ADD2: variants seen among roughly 807,000 people sequenced by gnomAD.
The protein encoded by ADD2 is beta-adducin.
A neutral mutation model predicts 83.0 loss-of-function variants in ADD2; 23 were observed. The observed-to-expected ratio is 0.28, with a 90% CI of 0.20 to 0.39. ADD2 has a LOEUF of 0.39. Among genes scored for constraint, ADD2 ranks in the 10% least tolerant of loss-of-function variants. The pLI is 1.00. For synonymous variants in ADD2, 375 were observed against 375.4 expected (o/e 1.00, Z 0.01); for missense variants, 758 against 944.9 (o/e 0.80, Z 2.59).
chr2:70,736,958 A>G (rs1284401971), intron 1 of ADD2, among the ~76,000 whole-genome samples: 4 of 152,206 alleles, frequency 2.6e-5, no homozygotes, highest in Non-Finnish European at 5.9e-5. Context: ...TATGCAGCCA[A>G]CAGACACATG....
intron 3 of ADD2, 92 bp from the exon 4 acceptor site, chr2:70,704,551 G>C: frequency 6.7e-7 from 1 of 1,503,598 alleles, no homozygotes; most frequent in Middle Eastern, 1.7e-4. Context: ...CTTGCCCCTG[G>C]GTCAGCTAGG....
rs901429125 is a variant in ADD2, at chr2:70,659,080, G to T, written c.*4345C>A. The T allele has an allele frequency of 3.5e-5, 5 of 144,044 alleles. No individual in the cohort carries two copies. Among genetic ancestry groups the T allele is most frequent in the Non-Finnish European group, 6.0e-5 (4 of 66,904 alleles). The allele number at this position is 144,044 out of a possible 1,614,324, so 8.9% of individuals were successfully genotyped here. On this transcript the variant is annotated 3_prime_UTR_variant, in exon 16 of 16. Transcript: ENST00000264436. Reference sequence around the variant, plus strand: ...ATCGCTTGAAAAACCGGGAGGCAGAGGTTGCAGTGAGCTAAGATTGCACCA... The same window carrying T: ...ATCGCTTGAAAAACCGGGAGGCAGATGTTGCAGTGAGCTAAGATTGCACCA...
rs116011167 is a variant in ADD2 at position 70,706,785 on chromosome 2, C to T, written c.-34-343G>A. Among the ~76,000 whole-genome samples the T allele has an allele frequency of 3.7e-3, 568 of 152,280 alleles. 5 individuals carry two copies. The highest frequency in any genetic ancestry group is 0.013 in the African/African-American group (532 of 41,548). On this transcript the variant is annotated intron_variant, in intron 2 of 15. Transcript: ENST00000264436. This position sits in a 1 kb window ranked among gnomAD's most constrained non-coding sequence, Gnocchi z 5.0. ...CCTTGTTGAGCATTTCTGTGATGCACACCTATGCAGTGGTAAGCTACTTAC... is the reference window on the plus strand; with the variant it reads ...CCTTGTTGAGCATTTCTGTGATGCATACCTATGCAGTGGTAAGCTACTTAC...
At chr2:70,750,664 C>T (rs1421594016) in intron 1 of ADD2, among the ~76,000 whole-genome samples, 2 of 152,160 alleles carry the variant, frequency 1.3e-5, no homozygotes, top group Non-Finnish European at 2.9e-5. Context: ...TCAGAGGGAG[C>T]ACGGCCTTGT....
chr2:70,706,894 G>T lies in ADD2; in HGVS notation c.-34-452C>A, dbSNP rs536984204. 6.6e-6 allele frequency among the ~76,000 whole-genome samples: 1 copy of T among 152,100 alleles called. No individual in the cohort carries two copies. Among genetic ancestry groups the T allele is most frequent in the Non-Finnish European group, 1.5e-5 (1 of 68,024 alleles). On this transcript the variant is annotated intron_variant, in intron 2 of 15. Coordinates refer to ENST00000264436, the MANE Select transcript of ADD2 (RefSeq NM_001617.4). This position sits in a 1 kb window ranked among gnomAD's most constrained non-coding sequence, Gnocchi z 5.0. Reference sequence around the variant, plus strand: ...GGTGGAAATAGCTAATGCATGCTGGGCTTAACACCTAGGTAATGGGTTGAT... The same window carrying T: ...GGTGGAAATAGCTAATGCATGCTGGTCTTAACACCTAGGTAATGGGTTGAT...
rs142392995 is a variant in ADD2, at chr2:70,683,705, G to T, written c.1011C>A (p.His337Gln). The T allele has an allele frequency of 3.1e-6, 5 of 1,614,066 alleles. No homozygotes were observed. The African/African-American group carries it at 6.7e-5, about 22-fold the overall frequency. ...GCACGGAGCCCACCTCATGGGGCCG[G>T]TGCTTCTCCTGCTCCAGGAGGATGA... is the stretch of plus-strand genomic sequence containing the variant. ...ENLILLEQEK[H>Q]RPHEVGSVQW... The change falls in exon 10 of 16, where the codon CAC becomes CAA. Residue 337 changes from histidine to glutamine, a missense_variant. Coordinates refer to ENST00000264436, the MANE Select transcript of ADD2 (RefSeq NM_001617.4).
chr2:70,754,277 T>C (rs1457014361), intron 1 of ADD2, among the ~76,000 whole-genome samples: 1 of 152,096 alleles, frequency 6.6e-6, no homozygotes, highest in Non-Finnish European at 1.5e-5. Context: ...AATTGAACAA[T>C]CACATAATTC....
At chr2:70,758,119 C>T (rs1030785377) in intron 1 of ADD2, among the ~76,000 whole-genome samples, 4 of 152,182 alleles carry the variant, frequency 2.6e-5, no homozygotes, top group South Asian at 2.1e-4. Context: ...TTTATAACAT[C>T]GGTTCTTCCC....
Position 70,677,892 on chromosome 2 carries a change from G to A in ADD2, c.1384-15C>T. 6.2e-7 allele frequency: 1 copy of A among 1,614,114 alleles called. No individual in the cohort carries two copies. Among genetic ancestry groups the A allele is most frequent in the Non-Finnish European group, 8.5e-7 (1 of 1,179,992 alleles). On this transcript the variant is annotated splice_polypyrimidine_tract_variant and intron_variant, in intron 11 of 15. Transcript: ENST00000264436. The stretch of plus-strand genomic sequence containing the variant: ...GCCTTCATCCACTGCACAAACACAA[G>A]GTCATGGGGCTGAGGTGAGGGAACA...
chr2:70,696,513 G>T, intron 4 of ADD2, 117 bp from the exon 5 acceptor site: 1 of 1,380,372 alleles, frequency 7.2e-7, no homozygotes, highest in East Asian at 2.5e-5. Flanking sequence ...TCCCCAGGCA[G>T]GGAATTAAAC....
intron 1 of ADD2, among the ~76,000 whole-genome samples, chr2:70,714,817 CCCTGTGG>C (rs1558553777): frequency 1.3e-5 from 2 of 152,344 alleles, no homozygotes; most frequent in African/African-American, 4.8e-5. Flanking sequence ...TCTGAGGCTG[CCCTGTGG>C]CCACAACCTG....
chr2:70,705,402 C>T (rs1426311318), intron 3 of ADD2, among the ~76,000 whole-genome samples: 4 of 128,238 alleles, frequency 3.1e-5, no homozygotes, highest in Non-Finnish European at 4.7e-5. Context: ...AAGGCCAAGG[C>T]AGAGCGGCTC....
chr2:70,671,703 C>T (rs1669902300), intron 15 of ADD2, among the ~76,000 whole-genome samples: 1 of 152,216 alleles, frequency 6.6e-6, no homozygotes, highest in South Asian at 2.1e-4. Context: ...GGTACATCCA[C>T]TTGGGGCTCT....
chr2:70,679,469 C>T (rs1250467415), intron 10 of ADD2, among the ~76,000 whole-genome samples: 1 of 152,144 alleles, frequency 6.6e-6, no homozygotes, highest in African/African-American at 2.4e-5. Context: ...CAATTTCCTT[C>T]TAGGAACCCT....
chr2:70,694,262 CT>C (rs1249540441), intron 6 of ADD2, among the ~76,000 whole-genome samples: 1 of 152,208 alleles, frequency 6.6e-6, no homozygotes, highest in African/African-American at 2.4e-5. Context: ...CCCAATCCAA[CT>C]GATCAGCAGG....
At chr2:70,696,100 TG>T in intron 5 of ADD2, 144 bp downstream of exon 5, 1 of 1,152,702 alleles carries the variant, frequency 8.7e-7, no homozygotes, top group Non-Finnish European at 1.2e-6. Context: ...ATGACCACAG[TG>T]GTTAAAAAAC....
intron 4 of ADD2, 105 bp from the exon 5 acceptor site, chr2:70,696,501 C>T (rs1205247781): frequency 4.8e-6 from 7 of 1,446,584 alleles, no homozygotes; most frequent in Non-Finnish European, 6.6e-6. Flanking sequence ...GCACAGGAGA[C>T]TTCCCCAGGC....
At chr2:70,713,026 G>A (rs1553375729) in intron 2 of ADD2, 40 bp downstream of exon 2, 6 of 911,910 alleles carry the variant, frequency 6.6e-6, no homozygotes, top group Middle Eastern at 5.5e-4. Flanking sequence ...CAAAAAGTGT[G>A]CATCACCCCC....
intron 1 of ADD2, chr2:70,760,580 A>G (rs1553384666): frequency 6.6e-6 from 1 of 152,236 alleles, no homozygotes; most frequent in African/African-American, 2.4e-5. Context: ...TTATAAAATT[A>G]TAAAAGCAAG....
Sources: allele counts gnomAD v4.1 joint callset (sites outside exome capture counted in the v4.1 genomes callset), GRCh38; gene constraint gnomAD v4.1.1; non-coding constraint Gnocchi (gnomAD v3.1); transcripts MANE v1.5; gene names NCBI Gene and HGNC (gene_info 2026-07-23, HGNC 2026-07-21).